Variants in GOLIM4 observed in about 807,000 individuals in gnomAD.
GOLIM4 encodes the protein 130 kDa golgi-localized phosphoprotein.
GOLIM4 carries 71 observed loss-of-function variants against 107.4 expected under a neutral mutation model. That is an observed-to-expected ratio of 0.66 (90% CI 0.55 to 0.81). GOLIM4 has a LOEUF of 0.81. Ranked by LOEUF, GOLIM4 falls within the 30% of genes least tolerant of loss-of-function variation. The pLI is 0.00. For missense variants in GOLIM4, 830 were observed against 826.1 expected (o/e 1.00, Z -0.06); for synonymous variants, 327 against 294.8 (o/e 1.11, Z -1.12).
At chr3:168,083,212 G>C (rs1376918503) in intron 1 of GOLIM4, among the ~76,000 whole-genome samples, 1 of 152,144 alleles carries the variant, frequency 6.6e-6, no homozygotes, top group African/African-American at 2.4e-5. Context: ...GAATGAACAA[G>C]TTGAAATTAC....
Position 168,048,064 on chromosome 3 carries a change from C to T in GOLIM4, c.262+227G>A, listed in dbSNP as rs541566309. On this transcript the variant is annotated intron_variant, in intron 2 of 15. Transcript: ENST00000470487. ...ATAATAAGTGTAACCAATATATGAG[C>T]TATCACAAGGTGGCATAAACTGAAT... 1.5e-3 allele frequency among the ~76,000 whole-genome samples: 230 copies of T among 151,788 alleles called. 2 individuals carry two copies. Among genetic ancestry groups the T allele is most frequent in the African/African-American group, 5.4e-3 (222 of 41,380 alleles).
intron 1 of GOLIM4, among the ~76,000 whole-genome samples, chr3:168,064,734 T>C (rs942037893): frequency 6.7e-6 from 1 of 150,082 alleles, no homozygotes; most frequent in African/African-American, 2.5e-5. Flanking sequence ...ATGCCTGGCT[T>C]CATGAGAAAT....
chr3:168,058,753 G>T (rs1720108911), intron 1 of GOLIM4, among the ~76,000 whole-genome samples: 1 of 152,114 alleles, frequency 6.6e-6, no homozygotes, highest in Non-Finnish European at 1.5e-5. Flanking sequence ...CCATAAAAAG[G>T]CTGCACTCTA....
chr3:168,081,477 G>C (rs144400969), intron 1 of GOLIM4, among the ~76,000 whole-genome samples: 10 of 152,288 alleles, frequency 6.6e-5, no homozygotes, highest in Admixed American at 3.9e-4. Context: ...AAAAAAGGTA[G>C]AGTGCCCTCA....
intron 1 of GOLIM4, among the ~76,000 whole-genome samples, chr3:168,056,426 A>G (rs993493438): frequency 3.3e-5 from 5 of 152,222 alleles, no homozygotes; most frequent in Admixed American, 6.5e-5. Flanking sequence ...TCCCAAACAG[A>G]GTCCCTACTG....
Position 168,037,086 on chromosome 3 carries a change from T to A in GOLIM4, c.685-92A>T. ...TACACTGTAAAACTAGACAAAAATA[T>A]TGTACCTAAATACAAGTTAGAAAAA... On this transcript the variant is annotated intron_variant, in intron 7 of 15. Transcript: ENST00000470487. 3.7e-6 allele frequency: 2 copies of A among 541,756 alleles called. 1 individual carries two copies. Among genetic ancestry groups the A allele is most frequent in the South Asian group, 5.2e-5 (2 of 38,734 alleles). The allele number at this position is 541,756 out of a possible 1,614,324, so 33.6% of individuals were successfully genotyped here.
intron 14 of GOLIM4, among the ~76,000 whole-genome samples, chr3:168,015,311 T>C (rs1418912021): frequency 6.8e-6 from 1 of 147,572 alleles, no homozygotes; most frequent in African/African-American, 2.6e-5. Context: ...GAGAATAAAA[T>C]ACCCAGGAAT....
At position 168,044,816 on chromosome 3, in the gene GOLIM4, T is replaced by C. The variant is rs1310741078; in HGVS notation, c.366+12A>G. The stretch of plus-strand genomic sequence containing the variant: ...TTCTTTTATTCATAAATAACAACTT[T>C]AGATTACTCACTTTCAACATCTGAT... On this transcript the variant is annotated intron_variant, in intron 4 of 15. Transcript: ENST00000470487. 2.7e-6 allele frequency: 4 copies of C among 1,458,696 alleles called. No homozygotes were observed. Among genetic ancestry groups the C allele is most frequent in the East Asian group, 2.3e-5 (1 of 43,900 alleles). 90.4% of individuals were successfully genotyped at this position (1,458,696 alleles called of 1,614,324 possible).
At chr3:168,024,807 C>A in intron 13 of GOLIM4, 121 bp downstream of exon 13, 2 of 1,068,216 alleles carry the variant, frequency 1.9e-6, no homozygotes, top group East Asian at 4.7e-5. Context: ...ATAAAGTGGC[C>A]TAAAAACCAC....
intron 14 of GOLIM4, among the ~76,000 whole-genome samples, chr3:168,022,018 T>A (rs1240183281): frequency 6.6e-6 from 1 of 152,096 alleles, no homozygotes; most frequent in Admixed American, 6.5e-5. Flanking sequence ...ATTCAAACAA[T>A]CCCAAACAAG....
intron 1 of GOLIM4, among the ~76,000 whole-genome samples, chr3:168,091,218 G>A (rs562729875): frequency 6.6e-6 from 1 of 152,260 alleles, no homozygotes; most frequent in South Asian, 2.1e-4. Flanking sequence ...TCTGGAATAG[G>A]AACATATAAA....
intron 1 of GOLIM4, among the ~76,000 whole-genome samples, chr3:168,062,317 TA>T (rs1475113656): frequency 3.3e-5 from 5 of 152,046 alleles, no homozygotes; most frequent in Admixed American, 3.3e-4. Flanking sequence ...TAGGATTTGG[TA>T]AAAATCAGGA....
intron 1 of GOLIM4, among the ~76,000 whole-genome samples, chr3:168,086,253 T>C (rs1023599307): frequency 2.6e-5 from 4 of 152,092 alleles, no homozygotes; most frequent in African/African-American, 9.7e-5. Flanking sequence ...TAAATCTCAC[T>C]AATATAAAAC....
At chr3:168,037,065 C>CTATGAA (rs1560081092) in intron 7 of GOLIM4, 71 bp from the exon 8 acceptor site, 221 of 696,894 alleles carry the variant, frequency 3.2e-4, no homozygotes, top group Middle Eastern at 6.9e-4. Context: ...TTTGGGTACA[C>CTATGAA]TGTAAAACTA....
At chr3:168,028,747 A>G (rs1718148204) in intron 11 of GOLIM4, among the ~76,000 whole-genome samples, 1 of 152,220 alleles carries the variant, frequency 6.6e-6, no homozygotes, top group Non-Finnish European at 1.5e-5. Context: ...AAAGATACAC[A>G]TCTAAGTGTT....
intron 1 of GOLIM4, among the ~76,000 whole-genome samples, chr3:168,080,035 T>C (rs541350259): frequency 8.4e-4 from 128 of 152,310 alleles, no homozygotes; most frequent in African/African-American, 2.9e-3. Flanking sequence ...AAAATCTCTT[T>C]TCTGTCATGT....
At chr3:168,011,682 C>G (rs893909497) in intron 14 of GOLIM4, among the ~76,000 whole-genome samples, 4 of 148,154 alleles carry the variant, frequency 2.7e-5, no homozygotes, top group Admixed American at 6.6e-5. Flanking sequence ...TCTCCCAGCA[C>G]GCAGCTGGAG....
chr3:168,041,129 A>T (rs564113768), intron 6 of GOLIM4: 1 of 510,278 alleles, frequency 2.0e-6, no homozygotes, highest in Admixed American at 3.6e-5. Context: ...CATTATTAGT[A>T]AACTTTTATA....
At chr3:168,018,107 G>A (rs1717477525) in intron 14 of GOLIM4, among the ~76,000 whole-genome samples, 1 of 152,176 alleles carries the variant, frequency 6.6e-6, no homozygotes, top group African/African-American at 2.4e-5. Context: ...CATCGGTTAA[G>A]TATAATGCAG....
Sources: gnomAD v4.1 joint callset for allele counts (sites outside exome capture counted in the v4.1 genomes callset) on GRCh38, gnomAD v4.1.1 for gene constraint, MANE v1.5 for transcripts, NCBI Gene and HGNC (gene_info 2026-07-23, HGNC 2026-07-21) for gene names.